The following SMIM10L3 variants were observed in gnomAD, a reference collection of about 807,000 sequenced individuals.
SMIM10L3 encodes salivary gland specific protein SAGSIN1.
At chr7:6,348,357 G>A in the SMIM10L3 span, among the ~76,000 whole-genome samples, 1 of 152,136 alleles carries the variant, frequency 6.6e-6, no homozygotes, top group Non-Finnish European at 1.5e-5. Flanking sequence ...CCTTCCCCAA[G>A]GCAAGTCGCT....
the SMIM10L3 span, among the ~76,000 whole-genome samples, chr7:6,344,428 G>T: frequency 6.6e-6 from 1 of 152,144 alleles, no homozygotes; most frequent in African/African-American, 2.4e-5. Flanking sequence ...CTTCACACTT[G>T]TGTCTTTTTT....
the SMIM10L3 span, chr7:6,348,867 G>C: frequency 7.7e-6 from 3 of 389,218 alleles, no homozygotes; most frequent in Non-Finnish European, 9.1e-6. Flanking sequence ...GCGGCGGCTA[G>C]ACCGGCGGGC....
the SMIM10L3 span, among the ~76,000 whole-genome samples, chr7:6,344,763 C>A: frequency 6.6e-6 from 1 of 151,876 alleles, no homozygotes; most frequent in Non-Finnish European, 1.5e-5. Context: ...TTTTTGGAGA[C>A]GGAGTCTCAC....
At chr7:6,331,553 T>G in the SMIM10L3 span, among the ~76,000 whole-genome samples, 2 of 152,170 alleles carry the variant, frequency 1.3e-5, no homozygotes, top group South Asian at 2.1e-4. Context: ...GCTAATTTTT[T>G]GTATTTTTAA....
the SMIM10L3 span, among the ~76,000 whole-genome samples, chr7:6,337,994 T>C: frequency 6.7e-6 from 1 of 149,646 alleles, no homozygotes. Flanking sequence ...AGTAGAGACA[T>C]GGTTTCACCA....
the SMIM10L3 span, among the ~76,000 whole-genome samples, chr7:6,331,421 C>G: frequency 6.6e-6 from 1 of 152,176 alleles, no homozygotes; most frequent in African/African-American, 2.4e-5. Flanking sequence ...CCTCAGCGTC[C>G]CAAAGTGCTG....
the SMIM10L3 span, chr7:6,330,626 T>G: frequency 6.2e-7 from 1 of 1,613,974 alleles, no homozygotes; most frequent in Non-Finnish European, 8.5e-7. Flanking sequence ...CCCAGACCCT[T>G]GGGAAAAGCA....
chr7:6,337,132 C>G, the SMIM10L3 span, among the ~76,000 whole-genome samples: 2 of 150,734 alleles, frequency 1.3e-5, no homozygotes, highest in Non-Finnish European at 3.0e-5. Flanking sequence ...AGTGCAGTGG[C>G]GCAATCTCAG....
At chr7:6,330,147 T>G in the SMIM10L3 span, 14 of 549,174 alleles carry the variant, frequency 2.5e-5, no homozygotes, top group Non-Finnish European at 4.6e-5. Context: ...CTGAAATGTT[T>G]CCCAATTCTT....
At chr7:6,341,279 C>T in the SMIM10L3 span, among the ~76,000 whole-genome samples, 5 of 149,056 alleles carry the variant, frequency 3.4e-5, no homozygotes, top group Admixed American at 2.0e-4. Flanking sequence ...CCCATCTCTA[C>T]GAAAATACAA....
the SMIM10L3 span, chr7:6,329,872 T>A: frequency 1.8e-5 from 3 of 169,582 alleles, no homozygotes; most frequent in African/African-American, 4.8e-5. Context: ...GAAAGGGGTA[T>A]GAGAAGTGAA....
At chr7:6,330,949 G>A in the SMIM10L3 span, 64 of 1,614,084 alleles carry the variant, frequency 4.0e-5, no homozygotes, top group South Asian at 5.5e-5. Context: ...AGCCCCGCTC[G>A]GATCCTTTCT....
the SMIM10L3 span, among the ~76,000 whole-genome samples, chr7:6,344,672 G>C: frequency 6.6e-6 from 1 of 152,034 alleles, no homozygotes; most frequent in Admixed American, 6.6e-5. Flanking sequence ...TCCCACCTTG[G>C]ACTCCCAAAG....
the SMIM10L3 span, among the ~76,000 whole-genome samples, chr7:6,333,071 T>G: frequency 1.3e-5 from 2 of 151,104 alleles, no homozygotes; most frequent in African/African-American, 4.9e-5. Flanking sequence ...GCGAGAGAAT[T>G]GCGTGAACCC....
At chr7:6,331,884 G>A in the SMIM10L3 span, among the ~76,000 whole-genome samples, 1 of 151,834 alleles carries the variant, frequency 6.6e-6, no homozygotes. Context: ...GGGATTACAG[G>A]TGCCTGCCAC....
the SMIM10L3 span, among the ~76,000 whole-genome samples, chr7:6,344,999 T>C: frequency 6.6e-6 from 1 of 151,956 alleles, no homozygotes. Context: ...CCTCAGCCTC[T>C]CAAAGTGCTG....
chr7:6,338,339 T>C, the SMIM10L3 span, among the ~76,000 whole-genome samples: 1 of 152,190 alleles, frequency 6.6e-6, no homozygotes, highest in Non-Finnish European at 1.5e-5. Flanking sequence ...TCAGCTCTTT[T>C]TGGCCTCCTC....
the SMIM10L3 span, among the ~76,000 whole-genome samples, chr7:6,342,546 A>AG: frequency 1.3e-5 from 2 of 152,112 alleles, no homozygotes; most frequent in African/African-American, 4.8e-5. Context: ...CTCAAAAAAA[A>AG]AAGTGATCTT....
At chr7:6,341,465 T>C in the SMIM10L3 span, among the ~76,000 whole-genome samples, 1 of 145,410 alleles carries the variant, frequency 6.9e-6, no homozygotes, top group Admixed American at 7.0e-5. Flanking sequence ...TAATAATTAT[T>C]ATTATTATTA....
Sources: allele counts gnomAD v4.1 joint callset (sites outside exome capture counted in the v4.1 genomes callset), GRCh38; gene constraint gnomAD v4.1.1; transcripts MANE v1.5; gene names NCBI Gene and HGNC (gene_info 2026-07-23, HGNC 2026-07-21).